The following USP34 variants were observed in gnomAD, a reference collection of about 807,000 sequenced individuals.
The protein encoded by USP34 is ubiquitin specific peptidase 34.
In USP34, 70 loss-of-function variants were observed where a neutral mutation model predicts 460.3. That is an observed-to-expected ratio of 0.15 (90% CI 0.13 to 0.19). The LOEUF (loss-of-function observed/expected upper bound fraction) is 0.19, where lower values mean the gene tolerates loss of function less well. Among genes scored for constraint, USP34 ranks in the 10% least tolerant of loss-of-function variants. USP34 has a pLI of 1.00. For synonymous variants in USP34, 1,647 were observed against 1,405.3 expected (o/e 1.17, Z -3.85); for missense variants, 3,985 against 4,236.2 (o/e 0.94, Z 1.65).
At position 61,420,766 on chromosome 2, in the gene USP34, A is replaced by G. The variant is rs778155; in HGVS notation, c.111T>C (p.Tyr37=). 599,837 of 1,607,240 alleles carry G rather than the reference A, an allele frequency of 0.37. 114,077 individuals are homozygous for G. Among genetic ancestry groups the G allele is most frequent in the Admixed American group, 0.41 (24,346 of 59,518 alleles). Residue 37 remains tyrosine, a synonymous_variant, in exon 2 of 80, where the codon TAT becomes TAC. Transcript: ENST00000398571. ...RKEHTLKIFT[Y]INSWTQRQCL... Reference sequence around the variant, plus strand: ...CATACCTCTGTGTCCAGGAATTGATATAAGTAAATATTTTGAGAGTATGTT... The same window carrying G: ...CATACCTCTGTGTCCAGGAATTGATGTAAGTAAATATTTTGAGAGTATGTT...
At chr2:61,204,822 C>A (rs1687070938) in intron 72 of USP34, among the ~76,000 whole-genome samples, 1 of 152,102 alleles carries the variant, frequency 6.6e-6, no homozygotes, top group Admixed American at 6.5e-5. Context: ...AAGATTAAAA[C>A]ACTATTTATT....
At chr2:61,193,090 T>C (rs1219030809) in intron 75 of USP34, 110 bp from the exon 76 acceptor site, 1 of 827,878 alleles carries the variant, frequency 1.2e-6, no homozygotes, top group African/African-American at 1.7e-5. Context: ...ACTGCATATT[T>C]TCTATATTTT....
At position 61,220,340 on chromosome 2, in the gene USP34, A is replaced by G. The variant is rs1251626366; in HGVS notation, c.8017T>C (p.Leu2673=). 4.3e-6 allele frequency: 7 copies of G among 1,613,782 alleles called. No homozygotes were observed. The highest frequency in any genetic ancestry group is 5.1e-6 in the Non-Finnish European group (6 of 1,179,912). Reference sequence around the variant, plus strand: ...CTCACTCTAGGATAATTGTGAGCCAAAAGAAACCGCTCGACCCAGTTTTCC... The same window carrying G: ...CTCACTCTAGGATAATTGTGAGCCAGAAGAAACCGCTCGACCCAGTTTTCC... The part of the protein sequence containing the change: ...NMENWVERFL[L]AHNYPRVRTS... Residue 2673 remains leucine, a synonymous_variant, in exon 67 of 80, where the codon TTG becomes CTG. Transcript: ENST00000398571.
chr2:61,286,414 G>C (rs1410576071), intron 34 of USP34, among the ~76,000 whole-genome samples: 1 of 152,124 alleles, frequency 6.6e-6, no homozygotes, highest in Non-Finnish European at 1.5e-5. Flanking sequence ...CCAGCACTTT[G>C]GGAGGCCGAG....
intron 2 of USP34, among the ~76,000 whole-genome samples, chr2:61,419,878 G>A (rs1355504647): frequency 6.6e-6 from 1 of 152,112 alleles, no homozygotes; most frequent in Non-Finnish European, 1.5e-5. Context: ...AATTCAGTGA[G>A]ACTCAGAAAA....
At chr2:61,362,520 T>G (rs75946982) in intron 10 of USP34, among the ~76,000 whole-genome samples, 65 of 152,312 alleles carry the variant, frequency 4.3e-4, no homozygotes, top group African/African-American at 1.3e-3. Context: ...ACAACATGAC[T>G]GACCCTAGTA....
At chr2:61,262,116 A>AATATATATAT (rs70963406) in intron 43 of USP34, among the ~76,000 whole-genome samples, 47 of 47,374 alleles carry the variant, frequency 9.9e-4, no homozygotes, top group African/African-American at 3.2e-3. Context: ...AAAAAAAAAA[A>AATATATATAT]ATATATATAT....
rs770527484 is a variant in USP34, at chr2:61,288,862, G to C, written c.4564C>G (p.Leu1522Val). The change falls in exon 34 of 80, where the codon CTT becomes GTT. Residue 1522 changes from leucine to valine, a missense_variant. By Grantham distance (32) the Leu-to-Val change is conservative (BLOSUM62 1). Coordinates refer to ENST00000398571, the MANE Select transcript of USP34 (RefSeq NM_014709.4). ...ESWTVWQLDC[L>V]ACLLKLICQF... ...CATATTAACTTCAGCAAGCAAGCAA[G>C]ACAGTCTAGCTGCCACTGTAAATGA... The C allele has an allele frequency of 1.2e-6, 2 of 1,612,742 alleles. No individual in the cohort carries two copies. The highest frequency in any genetic ancestry group is 1.7e-6 in the Non-Finnish European group (2 of 1,179,898).
At chr2:61,429,080 T>C (rs143518514) in intron 1 of USP34, among the ~76,000 whole-genome samples, 2,440 of 152,276 alleles carry the variant, frequency 0.016, 22 homozygotes, top group Non-Finnish European at 0.021. Flanking sequence ...GAGGGAGGAT[T>C]GCTTAAGGCT....
chr2:61,280,524 A>G (rs1689504109), intron 38 of USP34, among the ~76,000 whole-genome samples, 176 bp from the exon 39 acceptor site: 1 of 152,164 alleles, frequency 6.6e-6, no homozygotes, highest in African/African-American at 2.4e-5. Flanking sequence ...AACCAGGCAA[A>G]AAAATGACAA....
At chr2:61,342,165 A>G (rs1691624002) in intron 16 of USP34, among the ~76,000 whole-genome samples, 1 of 152,150 alleles carries the variant, frequency 6.6e-6, no homozygotes, top group South Asian at 2.1e-4. Flanking sequence ...CCACATTCTA[A>G]TGTCAATCCT....
chr2:61,371,360 T>C (rs1042528567), intron 8 of USP34, among the ~76,000 whole-genome samples: 1 of 152,096 alleles, frequency 6.6e-6, no homozygotes, highest in Non-Finnish European at 1.5e-5. Flanking sequence ...ACTTTTCATC[T>C]TTAAAGGATA....
At chr2:61,276,422 A>G (rs1230091300) in intron 41 of USP34, among the ~76,000 whole-genome samples, 1 of 152,122 alleles carries the variant, frequency 6.6e-6, no homozygotes, top group Admixed American at 6.5e-5. Context: ...CTCATTTTTT[A>G]GTGAAAATCG....
At chr2:61,314,339 T>C (rs1690680416) in intron 25 of USP34, among the ~76,000 whole-genome samples, 1 of 152,168 alleles carries the variant, frequency 6.6e-6, no homozygotes, top group Admixed American at 6.5e-5. Context: ...TTCTTATTCA[T>C]GCATATCTGC....
chr2:61,200,670 A>G (rs565380639), intron 75 of USP34: 1 of 152,308 alleles, frequency 6.6e-6, no homozygotes, highest in Admixed American at 6.5e-5. Flanking sequence ...TCAACGTTCA[A>G]ATGATTAAAG....
Position 61,211,559 on chromosome 2 carries a change from T to G in USP34, c.8840+213A>C, listed in dbSNP as rs141133545. Among the ~76,000 whole-genome samples, 408 of 152,214 alleles carry G rather than the reference T, an allele frequency of 2.7e-3. 1 individual carries two copies. The highest frequency in any genetic ancestry group is 4.6e-3 in the Non-Finnish European group (313 of 67,996). ...TTGGGTAGAAGGCTATACATAAAGG[T>G]TCCCTTCAACCCTAAAATGATAAAA... On this transcript the variant is annotated intron_variant, in intron 69 of 79. Transcript: ENST00000398571.
intron 75 of USP34, among the ~76,000 whole-genome samples, chr2:61,198,373 T>C (rs761637177): frequency 6.6e-6 from 1 of 152,184 alleles, no homozygotes; most frequent in Admixed American, 6.5e-5. Context: ...ACCAAGCTCC[T>C]ACTGATAGAC....
chr2:61,368,001 A>G (rs1250625244), intron 10 of USP34, among the ~76,000 whole-genome samples: 1 of 152,234 alleles, frequency 6.6e-6, no homozygotes, highest in African/African-American at 2.4e-5. Flanking sequence ...TAAAGAAAAA[A>G]ATTAGTATAA....
intron 38 of USP34, 28 bp downstream of exon 38, chr2:61,281,062 A>G (rs1364616210): frequency 6.3e-7 from 1 of 1,593,626 alleles, no homozygotes; most frequent in South Asian, 1.1e-5. Context: ...AAAAATAGAA[A>G]CTGCTTCTAA....
Sources: gnomAD v4.1 joint callset for allele counts (sites outside exome capture counted in the v4.1 genomes callset) on GRCh38, gnomAD v4.1.1 for gene constraint, MANE v1.5 for transcripts, NCBI Gene and HGNC (gene_info 2026-07-23, HGNC 2026-07-21) for gene names.